The following LNPK variants were observed in gnomAD, a reference collection of about 807,000 sequenced individuals.
The protein encoded by LNPK is lunapark, ER junction formation factor.
Under a neutral mutation model 55.2 loss-of-function variants are expected in LNPK, and 29 were observed. The ratio of observed to expected loss-of-function variants is 0.53; its 90% CI spans 0.39 to 0.72. The LOEUF is 0.72. Among genes scored for constraint, LNPK ranks in the 30% least tolerant of loss-of-function variants. The probability of loss-of-function intolerance (pLI) is 0.00; values close to 1 mark genes in which losing one functional copy is unlikely to be tolerated. For synonymous variants in LNPK, 162 were observed against 168.2 expected (o/e 0.96, Z 0.29); for missense variants, 467 against 494.8 (o/e 0.94, Z 0.53).
intron 11 of LNPK, chr2:175,937,727 A>C: frequency 2.5e-6 from 1 of 402,578 alleles, no homozygotes; most frequent in African/African-American, 2.0e-5. Context: ...AATTAAAGGC[A>C]GAAAAGGCAT....
intron 6 of LNPK, among the ~76,000 whole-genome samples, chr2:175,966,005 T>A (rs1398901277): frequency 2.6e-5 from 4 of 152,234 alleles, no homozygotes; most frequent in African/African-American, 9.6e-5. Context: ...CTAAGCCCTA[T>A]GTGATAAATG....
At chr2:175,942,622 T>A (rs575576459) in intron 9 of LNPK, among the ~76,000 whole-genome samples, 35 of 152,048 alleles carry the variant, frequency 2.3e-4, no homozygotes, top group Non-Finnish European at 4.6e-4. Context: ...GAAAGTATTT[T>A]GAACTGAATG....
intron 9 of LNPK, among the ~76,000 whole-genome samples, chr2:175,944,105 A>G (rs1685000376): frequency 6.6e-6 from 1 of 152,148 alleles, no homozygotes; most frequent in Admixed American, 6.5e-5. Flanking sequence ...AGCAATATAC[A>G]AAAATCAATT....
intron 12 of LNPK, among the ~76,000 whole-genome samples, chr2:175,933,196 T>C (rs948424050): frequency 6.6e-6 from 1 of 152,126 alleles, no homozygotes; most frequent in Non-Finnish European, 1.5e-5. Flanking sequence ...AACAATTGGC[T>C]TCCAGTTGTT....
intron 8 of LNPK, among the ~76,000 whole-genome samples, chr2:175,952,410 T>G (rs1685469345): frequency 6.6e-6 from 1 of 151,980 alleles, no homozygotes; most frequent in Non-Finnish European, 1.5e-5. Flanking sequence ...GGGATATATT[T>G]TCAGGTAAAT....
At chr2:175,984,283 A>G (rs900866506) in intron 4 of LNPK, among the ~76,000 whole-genome samples, 22 of 151,532 alleles carry the variant, frequency 1.5e-4, no homozygotes. Context: ...GGTTCATGTG[A>G]TTCTCCTGCC....
In LNPK at chr2:175,933,886, C is replaced by T. The variant is rs73030674; in HGVS notation, c.1054+3458G>A. ...AGCTGGGACTACAGGTGCACGCCAC[C>T]ACACCTGGATCATTTTTGTATTTTT... On this transcript the variant is annotated intron_variant, in intron 12 of 12. Coordinates refer to ENST00000272748, the MANE Select transcript of LNPK (RefSeq NM_030650.3). Among the ~76,000 whole-genome samples, 1,426 of 152,168 alleles carry T rather than the reference C, an allele frequency of 9.4e-3. 20 individuals carry two copies. The highest frequency in any genetic ancestry group is 0.032 in the African/African-American group (1,339 of 41,520).
rs753941537 is a variant in LNPK, at chr2:175,947,573, C to CA, written c.612dup (p.Gly205TrpfsTer54). 2 of 1,613,880 alleles carry CA rather than the reference C, an allele frequency of 1.2e-6. No homozygotes were observed. Among genetic ancestry groups the CA allele is most frequent in the Admixed American group, 3.3e-5 (2 of 59,988 alleles). On this transcript the variant is annotated frameshift_variant, in exon 9 of 13. Transcript: ENST00000272748. LOFTEE classifies it high-confidence loss of function. The stretch of plus-strand genomic sequence containing the variant: ...GTAACAGTCCTTTCTGGGGGTCCAC[C>CA]AGGGGCAGAACTGTCCTTTGGTGGT...
chr2:175,960,165 A>T (rs1685937129), intron 8 of LNPK, among the ~76,000 whole-genome samples: 1 of 152,174 alleles, frequency 6.6e-6, no homozygotes, highest in Non-Finnish European at 1.5e-5. Flanking sequence ...CAGAAGGTTA[A>T]CAAGGATATC....
intron 2 of LNPK, among the ~76,000 whole-genome samples, 188 bp from the exon 3 acceptor site, chr2:175,993,411 A>G (rs1197411509): frequency 6.6e-6 from 1 of 152,246 alleles, no homozygotes. Flanking sequence ...ACGTAAGATT[A>G]AAGAAATAAG....
At chr2:175,985,267 C>T (rs1687351891) in intron 4 of LNPK, among the ~76,000 whole-genome samples, 1 of 152,122 alleles carries the variant, frequency 6.6e-6, no homozygotes, top group Non-Finnish European at 1.5e-5. Context: ...TGGAACAGTT[C>T]TGGATCTGAA....
At chr2:175,938,016 G>A (rs532068411) in intron 11 of LNPK, among the ~76,000 whole-genome samples, 1 of 152,240 alleles carries the variant, frequency 6.6e-6, no homozygotes, top group East Asian at 1.9e-4. Context: ...CTCATACTCA[G>A]TCCATTAAAG....
At chr2:175,963,524 G>T (rs1430972410) in intron 8 of LNPK, among the ~76,000 whole-genome samples, 3 of 152,070 alleles carry the variant, frequency 2.0e-5, no homozygotes, top group Admixed American at 2.0e-4. Flanking sequence ...ATGGATACAG[G>T]AAGAGGAACA....
Position 175,930,135 on chromosome 2 carries a change from T to G in LNPK, c.1119A>C (p.Thr373=), listed in dbSNP as rs1559020056. The G allele has an allele frequency of 6.2e-7, 1 of 1,613,786 alleles. No homozygotes were observed. The highest frequency in any genetic ancestry group is 8.5e-7 in the Non-Finnish European group (1 of 1,179,718). Residue 373 remains threonine (T), a synonymous_variant, in exon 13 of 13, where the codon ACA becomes ACC. Transcript: ENST00000272748. Reference sequence around the variant, plus strand: ...TTTCAATCACTTGGTTTGTCTGTTCTGTAGCTGGTATTTTGTCATCTGTCT... The same window carrying G: ...TTTCAATCACTTGGTTTGTCTGTTCGGTAGCTGGTATTTTGTCATCTGTCT... ...TEQTDDKIPA[T]EQTNQVIEKA...
intron 9 of LNPK, among the ~76,000 whole-genome samples, chr2:175,945,260 G>A (rs10451562): frequency 0.52 from 76,795 of 148,280 alleles, 20,576 homozygotes; most frequent in African/African-American, 0.66. Flanking sequence ...CTGTAATCCC[G>A]GCACTTTGGG....
chr2:175,983,197 A>G (rs1317035490), intron 4 of LNPK, among the ~76,000 whole-genome samples: 1 of 152,260 alleles, frequency 6.6e-6, no homozygotes, highest in African/African-American at 2.4e-5. Context: ...GTTTGGTTCC[A>G]ATAAAAAAAG....
chr2:175,983,980 T>A (rs819032), intron 4 of LNPK, among the ~76,000 whole-genome samples: 1 of 149,942 alleles, frequency 6.7e-6, no homozygotes. Context: ...TAAGAGAAAA[T>A]CTTCACAACC....
chr2:175,958,096 C>T (rs1213644559), intron 8 of LNPK, among the ~76,000 whole-genome samples: 1 of 152,206 alleles, frequency 6.6e-6, no homozygotes, highest in East Asian at 1.9e-4. Flanking sequence ...CTCAACCAGG[C>T]CTGCCTGCCT....
At chr2:175,936,377 T>A (rs1574807877) in intron 12 of LNPK, among the ~76,000 whole-genome samples, 1 of 152,222 alleles carries the variant, frequency 6.6e-6, no homozygotes, top group African/African-American at 2.4e-5. Flanking sequence ...CTTCATATAA[T>A]ATTCTCAATT....
Sources: allele counts gnomAD v4.1 joint callset (sites outside exome capture counted in the v4.1 genomes callset), GRCh38; gene constraint gnomAD v4.1.1; transcripts MANE v1.5; gene names NCBI Gene and HGNC (gene_info 2026-07-23, HGNC 2026-07-21).